Variants in TMEM45B observed in about 807,000 individuals in gnomAD.
The protein encoded by TMEM45B is transmembrane protein 45B.
Under a neutral mutation model 27.3 loss-of-function variants are expected in TMEM45B, and 29 were observed. That is an observed-to-expected ratio of 1.06 (90% CI 0.79 to 1.45). The LOEUF is 1.45. Ranked by LOEUF, TMEM45B falls within the 40% of genes most tolerant of loss-of-function variation. TMEM45B has a pLI of 0.00. For synonymous variants in TMEM45B, 143 were observed against 134.7 expected, an observed-to-expected ratio of 1.06 and a Z score of -0.43; for missense variants, 348 against 343.9, an observed-to-expected ratio of 1.01 and a Z score of -0.09.
At chr11:129,830,722 C>G (rs1947537399) in intron 1 of TMEM45B, among the ~76,000 whole-genome samples, 1 of 152,230 alleles carries the variant, frequency 6.6e-6, no homozygotes, top group South Asian at 2.1e-4. Flanking sequence ...CTCAACATCA[C>G]TAATCATTAC....
chr11:129,857,411 C>T lies in TMEM45B; in HGVS notation c.669C>T (p.Tyr223=), dbSNP rs1303664661. The change falls in exon 5 of 6, where the codon TAC becomes TAT. Residue 223 remains tyrosine, a synonymous_variant. Transcript: ENST00000281441. ...TCACCATGTGCTTCTGCTGGCACTA[C>T]CTGGCTGCCCTCAGCATTGTGGCCG... ...MFITMCFCWH[Y]LAALSIVAVN... 6 of 1,614,074 alleles carry T rather than the reference C, an allele frequency of 3.7e-6. No homozygotes were observed. The highest frequency in any genetic ancestry group is 1.1e-5 in the South Asian group (1 of 91,092).
chr11:129,857,512 G>T (rs1947947721), intron 5 of TMEM45B, 54 bp downstream of exon 5: 1 of 1,602,238 alleles, frequency 6.2e-7, no homozygotes, highest in Non-Finnish European at 8.5e-7. Context: ...CAGGACTGAT[G>T]TGATTAACTT....
chr11:129,825,851 C>T (rs961892768), intron 1 of TMEM45B, among the ~76,000 whole-genome samples: 26 of 152,236 alleles, frequency 1.7e-4, no homozygotes, highest in African/African-American at 6.3e-4. Flanking sequence ...GGAAATTTGA[C>T]TCCATGACTT....
intron 1 of TMEM45B, among the ~76,000 whole-genome samples, chr11:129,820,139 C>A (rs1330552502): frequency 1.3e-5 from 2 of 151,828 alleles, no homozygotes; most frequent in Non-Finnish European, 2.9e-5. Context: ...CATGGTGAAA[C>A]CCCATCTCTA....
chr11:129,845,195 A>G (rs1267561135), intron 1 of TMEM45B, among the ~76,000 whole-genome samples: 1 of 152,072 alleles, frequency 6.6e-6, no homozygotes, highest in Non-Finnish European at 1.5e-5. Flanking sequence ...ACACACACGC[A>G]CACGTCTCTG....
intron 1 of TMEM45B, among the ~76,000 whole-genome samples, chr11:129,847,861 G>A (rs1343779652): frequency 6.6e-6 from 1 of 151,864 alleles, no homozygotes; most frequent in Non-Finnish European, 1.5e-5. Context: ...CCACAAAACC[G>A]CCATTGTCAT....
At chr11:129,849,988 A>C (rs891999604) in intron 1 of TMEM45B, among the ~76,000 whole-genome samples, 2 of 151,944 alleles carry the variant, frequency 1.3e-5, no homozygotes, top group South Asian at 2.1e-4. Flanking sequence ...CCTTCTACAC[A>C]TACTAACCTG....
intron 5 of TMEM45B, 82 bp from the exon 6 acceptor site, chr11:129,858,492 G>GA (rs1947961748): frequency 8.0e-6 from 7 of 878,882 alleles, no homozygotes; most frequent in East Asian, 2.8e-5. Context: ...AATAGTTTAA[G>GA]AATCAGTAGA....
At chr11:129,848,367 G>T in intron 1 of TMEM45B, among the ~76,000 whole-genome samples, 1 of 152,300 alleles carries the variant, frequency 6.6e-6, no homozygotes, top group Non-Finnish European at 1.5e-5. Context: ...ACGAAAACCC[G>T]TCAGGCGTGG....
At chr11:129,850,888 C>T (rs879441548) in intron 1 of TMEM45B, among the ~76,000 whole-genome samples, 4 of 152,174 alleles carry the variant, frequency 2.6e-5, no homozygotes, top group Non-Finnish European at 5.9e-5. Context: ...AAAGCTGTTC[C>T]AGCTTGTATT....
At chr11:129,822,814 T>C (rs995412435) in intron 1 of TMEM45B, among the ~76,000 whole-genome samples, 1 of 151,876 alleles carries the variant, frequency 6.6e-6, no homozygotes, top group African/African-American at 2.4e-5. Flanking sequence ...ATTTGCAAAA[T>C]ATGGATTATA....
At chr11:129,852,794 G>C in intron 2 of TMEM45B, 134 bp downstream of exon 2, 1 of 898,096 alleles carries the variant, frequency 1.1e-6, no homozygotes, top group Non-Finnish European at 1.7e-6. Flanking sequence ...ATGGCCACTA[G>C]ACTATTTTAT....
At chr11:129,834,258 C>T (rs557395571) in intron 1 of TMEM45B, among the ~76,000 whole-genome samples, 1 of 151,682 alleles carries the variant, frequency 6.6e-6, no homozygotes, top group African/African-American at 2.4e-5. Flanking sequence ...TGGTGAAACC[C>T]CATCTCTACT....
At chr11:129,858,474 A>G in intron 5 of TMEM45B, 100 bp from the exon 6 acceptor site, 1 of 735,796 alleles carries the variant, frequency 1.4e-6, no homozygotes, top group South Asian at 1.8e-5. Flanking sequence ...TGATAGAAAT[A>G]TAAAGAAAAT....
At chr11:129,831,894 C>A (rs1947551230) in intron 1 of TMEM45B, among the ~76,000 whole-genome samples, 2 of 151,640 alleles carry the variant, frequency 1.3e-5, no homozygotes, top group South Asian at 4.2e-4. Context: ...GGTGAAACCC[C>A]ATCTCTATTA....
At chr11:129,842,747 T>C (rs1004268060) in intron 1 of TMEM45B, among the ~76,000 whole-genome samples, 4 of 152,222 alleles carry the variant, frequency 2.6e-5, no homozygotes, top group Non-Finnish European at 5.9e-5. Context: ...CGTTGATTTC[T>C]TTTTTGATAT....
chr11:129,839,917 G>A (rs1269387306), intron 1 of TMEM45B, among the ~76,000 whole-genome samples: 19 of 152,130 alleles, frequency 1.2e-4, no homozygotes, highest in Admixed American at 1.2e-3. Flanking sequence ...GCCCACACCA[G>A]TTGTGTATAT....
intron 1 of TMEM45B, among the ~76,000 whole-genome samples, chr11:129,829,906 GA>G (rs1947527784): frequency 6.6e-6 from 1 of 152,212 alleles, no homozygotes; most frequent in Non-Finnish European, 1.5e-5. Flanking sequence ...TAGAAAGATA[GA>G]CAAGATGCCA....
At position 129,834,649 on chromosome 11, in the gene TMEM45B, A is replaced by G. The variant is rs571924376; in HGVS notation, c.-8-17826A>G. On this transcript the variant is annotated intron_variant, in intron 1 of 5. Coordinates refer to ENST00000281441, the MANE Select transcript of TMEM45B (RefSeq NM_138788.5). ...AACATGGTGAAACCCCATCTCTACT[A>G]AAAATACAAAAATTAGCCAGGTGTG... 2.2e-4 allele frequency among the ~76,000 whole-genome samples: 33 copies of G among 152,222 alleles called. No homozygotes were observed. The South Asian group carries it at 4.6e-3, about 21-fold the overall frequency.
Sources: gnomAD v4.1 joint callset for allele counts (sites outside exome capture counted in the v4.1 genomes callset) on GRCh38, gnomAD v4.1.1 for gene constraint, MANE v1.5 for transcripts, NCBI Gene and HGNC (gene_info 2026-07-23, HGNC 2026-07-21) for gene names.